YWHAE: variants seen among roughly 807,000 people sequenced by gnomAD.
The protein encoded by YWHAE is tyrosine 3-monooxygenase/tryptophan 5-monooxygenase activation protein epsilon, also known as 14-3-3 protein epsilon.
In YWHAE, 4 loss-of-function variants were observed where a neutral mutation model predicts 30.1. The observed-to-expected ratio is 0.13, with a 90% CI of 0.07 to 0.30. The LOEUF (loss-of-function observed/expected upper bound fraction) is 0.30. YWHAE is among the 10% of genes least tolerant of loss of function. The pLI, the probability that YWHAE is intolerant of heterozygous loss-of-function variation, is 1.00. For synonymous variants in YWHAE, 118 were observed against 111.8 expected, an observed-to-expected ratio of 1.06 and a Z score of -0.35; for missense variants, 121 against 315.9, an observed-to-expected ratio of 0.38 and a Z score of 4.68.
In YWHAE at chr17:1,345,218, G is replaced by T. The variant is rs2072495423; in HGVS notation, c.*229C>A. On this transcript the variant is annotated 3_prime_UTR_variant, in exon 6 of 6. Coordinates refer to ENST00000264335, the MANE Select transcript of YWHAE (RefSeq NM_006761.5). ...TATGTAGTCCTGTTAGTGTCTTAAA[G>T]AACCTAAAAGCTGGGACCAGTAAAA... The T allele has an allele frequency of 8.9e-6, 5 of 563,158 alleles. No individual in the cohort carries two copies. The South Asian group carries it at 1.2e-4, about 13-fold the overall frequency. The allele number at this position is 563,158 out of a possible 1,614,324, so 34.9% of individuals were successfully genotyped here.
intron 1 of YWHAE, among the ~76,000 whole-genome samples, chr17:1,368,997 G>A (rs2072989383): frequency 2.0e-5 from 3 of 151,996 alleles, no homozygotes; most frequent in Admixed American, 6.6e-5. Flanking sequence ...TTTCAACAAC[G>A]AAGACTTAGT....
intron 1 of YWHAE, among the ~76,000 whole-genome samples, chr17:1,366,963 A>G (rs1287699088): frequency 2.0e-5 from 3 of 152,058 alleles, no homozygotes; most frequent in Non-Finnish European, 2.9e-5. Context: ...CAAAACAAAA[A>G]CCAAAACACT....
Position 1,399,891 on chromosome 17 carries a change from C to T in YWHAE, c.64+156G>A, listed in dbSNP as rs370734909. On this transcript the variant is annotated intron_variant, in intron 1 of 5. Coordinates refer to ENST00000264335, the MANE Select transcript of YWHAE (RefSeq NM_006761.5). ...CATTCCAGGGCATAGAGCCTCCCAT[C>T]GCCCCGGGAGCTCCCAGGCCATTTC... 7 of 853,168 alleles carry T rather than the reference C, an allele frequency of 8.2e-6. No individual in the cohort carries two copies. In the African/African-American group the frequency reaches 1.0e-4, roughly 12 times the overall value. The allele number at this position is 853,168 out of a possible 1,614,324, so 52.8% of individuals were successfully genotyped here. A position where few individuals can be genotyped will look rare whatever the true frequency, so the allele number is the denominator to read the frequency against.
chr17:1,361,534 A>G (rs17493136), intron 3 of YWHAE: 7,877 of 456,326 alleles, frequency 0.017, 102 homozygotes, highest in Middle Eastern at 0.038. Flanking sequence ...TTAACTGAGG[A>G]GCCTCTAAAA....
At chr17:1,387,800 A>C (rs566093232) in intron 1 of YWHAE, among the ~76,000 whole-genome samples, 3 of 147,156 alleles carry the variant, frequency 2.0e-5, no homozygotes, top group Non-Finnish European at 2.9e-5. Flanking sequence ...TTTTTTGTAT[A>C]TTTAGTAGAG....
chr17:1,354,125 T>C, intron 5 of YWHAE, 86 bp downstream of exon 5: 1 of 1,504,150 alleles, frequency 6.6e-7, no homozygotes, highest in Non-Finnish European at 8.9e-7. Flanking sequence ...TAGCTTGATA[T>C]AACGACAAGC....
chr17:1,382,701 T>C lies in YWHAE; in HGVS notation c.64+17346A>G, dbSNP rs576463467. 2.6e-5 allele frequency among the ~76,000 whole-genome samples: 4 copies of C among 152,156 alleles called. No individual in the cohort carries two copies. In the East Asian group the frequency reaches 7.7e-4, roughly 29 times the overall value. On this transcript the variant is annotated intron_variant, in intron 1 of 5. Transcript: ENST00000264335. The stretch of plus-strand genomic sequence containing the variant: ...TACTTGATATGGCTGTACTGCTGAC[T>C]TTACATTTAAATTCATCTTTTGCAG...
chr17:1,380,340 G>A (rs2073187567), intron 1 of YWHAE, among the ~76,000 whole-genome samples: 1 of 152,090 alleles, frequency 6.6e-6, no homozygotes, highest in South Asian at 2.1e-4. Context: ...TCGAACTCGT[G>A]ACCTCAGGTG....
intron 1 of YWHAE, among the ~76,000 whole-genome samples, chr17:1,370,574 G>T (rs1381696991): frequency 6.6e-6 from 1 of 152,120 alleles, no homozygotes; most frequent in Non-Finnish European, 1.5e-5. Context: ...GAGACTACAA[G>T]TGGGCGCCAC....
intron 1 of YWHAE, chr17:1,399,658 C>T (rs1598279357): frequency 6.4e-6 from 2 of 314,036 alleles, no homozygotes; most frequent in Admixed American, 4.9e-5. Context: ...CCCCGTCACC[C>T]CACCCAATTG....
At chr17:1,394,460 A>AAAAAAAAAACC (rs1555647412) in intron 1 of YWHAE, among the ~76,000 whole-genome samples, 2 of 137,542 alleles carry the variant, frequency 1.5e-5, no homozygotes, top group African/African-American at 5.7e-5. Flanking sequence ...AAAAAAAAAA[A>AAAAAAAAAACC]ACACAAAAAT....
intron 1 of YWHAE, among the ~76,000 whole-genome samples, chr17:1,370,654 C>T (rs769440281): frequency 6.6e-6 from 1 of 152,054 alleles, no homozygotes; most frequent in Non-Finnish European, 1.5e-5. Context: ...TGGTCTTAAA[C>T]TCCTGACCTC....
chr17:1,357,065 C>T (rs1014171619), intron 4 of YWHAE, among the ~76,000 whole-genome samples: 1 of 150,872 alleles, frequency 6.6e-6, no homozygotes, highest in East Asian at 2.0e-4. Flanking sequence ...GTCAGGAGAT[C>T]GAGACCATCC....
At chr17:1,387,298 G>C (rs912221363) in intron 1 of YWHAE, among the ~76,000 whole-genome samples, 1 of 152,234 alleles carries the variant, frequency 6.6e-6, no homozygotes, top group East Asian at 1.9e-4. Context: ...AAACACGTTC[G>C]GCTGCAGTAG....
intron 2 of YWHAE, among the ~76,000 whole-genome samples, chr17:1,363,170 C>T (rs1297608280): frequency 6.6e-6 from 1 of 152,188 alleles, no homozygotes; most frequent in African/African-American, 2.4e-5. Flanking sequence ...AATTGCAACA[C>T]TCCACTCTTG....
At chr17:1,366,332 G>C (rs146320918) in intron 1 of YWHAE, among the ~76,000 whole-genome samples, 38 of 152,206 alleles carry the variant, frequency 2.5e-4, no homozygotes, top group Middle Eastern at 3.4e-3. Context: ...TTGAGGTCAC[G>C]AATTCAAGGC....
At chr17:1,369,640 G>C (rs561073788) in intron 1 of YWHAE, 1 of 151,760 alleles carries the variant, frequency 6.6e-6, no homozygotes, top group African/African-American at 2.4e-5. Flanking sequence ...ACCCCAGCCC[G>C]GTCAACCACC....
chr17:1,377,753 T>A (rs193060420), intron 1 of YWHAE, among the ~76,000 whole-genome samples: 3 of 152,322 alleles, frequency 2.0e-5, no homozygotes, highest in Middle Eastern at 3.4e-3. Flanking sequence ...TGTCTTACTA[T>A]GTAAAGACTT....
At chr17:1,372,293 G>A (rs2073055137) in intron 1 of YWHAE, among the ~76,000 whole-genome samples, 1 of 152,198 alleles carries the variant, frequency 6.6e-6, no homozygotes, top group Non-Finnish European at 1.5e-5. Context: ...TTAGGCTTTG[G>A]CTTAAGGGAA....
Sources: allele counts gnomAD v4.1 joint callset (sites outside exome capture counted in the v4.1 genomes callset), GRCh38; gene constraint gnomAD v4.1.1; transcripts MANE v1.5; gene names NCBI Gene and HGNC (gene_info 2026-07-23, HGNC 2026-07-21).